Variants in WASHC3 observed in about 807,000 individuals in gnomAD.
The protein encoded by WASHC3 is WASH complex subunit 3, also known as WASH complex subunit CCDC53.
Under a neutral mutation model 26.1 loss-of-function variants are expected in WASHC3, and 24 were observed. The ratio of observed to expected loss-of-function variants is 0.92; its 90% confidence interval spans 0.66 to 1.29. The LOEUF (loss-of-function observed/expected upper bound fraction) is 1.29, where lower values mean the gene tolerates loss of function less well. WASHC3 is among the 50% of genes most tolerant of loss of function. The pLI, the probability that WASHC3 is intolerant of heterozygous loss-of-function variation, is 0.00. For synonymous variants in WASHC3, 77 were observed against 75.7 expected, an observed-to-expected ratio of 1.02 and a Z score of -0.09; for missense variants, 214 against 229.6, an observed-to-expected ratio of 0.93 and a Z score of 0.44.
Position 102,013,081 on chromosome 12 carries a change from C to T in WASHC3, c.*27G>A. On this transcript the variant is annotated 3_prime_UTR_variant, in exon 7 of 7. Transcript: ENST00000240079. ...GAATGTAAATGTACCCCTATGCATG[C>T]ATATGTAATTCTTATCAAAATTAAG... is the stretch of plus-strand genomic sequence containing the variant. 2 of 983,070 alleles carry T rather than the reference C, an allele frequency of 2.0e-6. No individual in the cohort carries two copies. Among genetic ancestry groups the T allele is most frequent in the Non-Finnish European group, 3.1e-6 (2 of 635,578 alleles). 60.9% of individuals were successfully genotyped at this position (983,070 alleles called of 1,614,324 possible). A position where few individuals can be genotyped will look rare whatever the true frequency, so the allele number is the denominator to read the frequency against.
At chr12:102,059,959 C>T (rs775015419) in intron 2 of WASHC3, among the ~76,000 whole-genome samples, 1 of 152,184 alleles carries the variant, frequency 6.6e-6, no homozygotes, top group Non-Finnish European at 1.5e-5. Context: ...AAGCCCCTTA[C>T]TCTACCAATT....
intron 4 of WASHC3, among the ~76,000 whole-genome samples, chr12:102,043,223 C>T (rs1448032551): frequency 6.6e-6 from 1 of 152,090 alleles, no homozygotes; most frequent in Non-Finnish European, 1.5e-5. Flanking sequence ...ATGGCGTGTA[C>T]TTGAGTAACA....
intron 3 of WASHC3, among the ~76,000 whole-genome samples, chr12:102,045,581 A>G (rs1208664871): frequency 2.0e-5 from 3 of 152,186 alleles, no homozygotes; most frequent in Non-Finnish European, 4.4e-5. Flanking sequence ...ACAGTCTTCT[A>G]TTTTTCTTAG....
upstream of WASHC3, chr12:102,062,109 T>C (rs868211977): frequency 4.7e-6 from 3 of 639,532 alleles, no homozygotes; most frequent in Middle Eastern, 1.0e-3. Flanking sequence ...CGCTCACTAA[T>C]CACTCGGCGG....
chr12:102,042,970 G>A (rs1265441078), intron 4 of WASHC3, among the ~76,000 whole-genome samples: 2 of 152,186 alleles, frequency 1.3e-5, no homozygotes, highest in South Asian at 2.1e-4. Context: ...TCATACAGAA[G>A]CATAAGTAAA....
chr12:102,031,915 G>A (rs1039995549), intron 5 of WASHC3, among the ~76,000 whole-genome samples: 1 of 152,118 alleles, frequency 6.6e-6, no homozygotes. Flanking sequence ...TGACTATACT[G>A]TTGATCACTG....
At position 102,061,902 on chromosome 12, in the gene WASHC3, T is replaced by C. The variant is rs1462010793; in HGVS notation, c.51+10A>G. On this transcript the variant is annotated intron_variant, in intron 1 of 6. Coordinates refer to ENST00000240079, the MANE Select transcript of WASHC3 (RefSeq NM_016053.4). ...GGCTCGTCGGGAGTCTAGCACCGTC[T>C]TTTACAAACCTTGGTCAGGTCTATG... The C allele has an allele frequency of 2.5e-6, 4 of 1,594,448 alleles. No individual in the cohort carries two copies. In the African/African-American group the frequency reaches 4.0e-5, roughly 16 times the overall value.
At chr12:102,061,879 CTCGT>C (rs1253294954) in intron 1 of WASHC3, 29 bp downstream of exon 1, 1 of 1,565,474 alleles carries the variant, frequency 6.4e-7, no homozygotes, top group Non-Finnish European at 8.7e-7. Flanking sequence ...CTCCTCCCGG[CTCGT>C]CGGGAGTCTA....
At chr12:102,029,791 A>C (rs1371395219) in intron 5 of WASHC3, among the ~76,000 whole-genome samples, 1 of 152,208 alleles carries the variant, frequency 6.6e-6, no homozygotes, top group East Asian at 1.9e-4. Context: ...TCCCTACCTA[A>C]GGCAACAATA....
intron 6 of WASHC3, among the ~76,000 whole-genome samples, chr12:102,015,531 T>C (rs1403722707): frequency 1.3e-5 from 2 of 151,668 alleles, no homozygotes; most frequent in Non-Finnish European, 3.0e-5. Flanking sequence ...GATTTTGTGA[T>C]GATTAAATTA....
chr12:102,019,378 G>GTT lies in WASHC3; in HGVS notation c.501-6188_501-6187dup, dbSNP rs754869827. ...TAAATGTTCTTACTTCACCCTACAA[G>GTT]TTGTTTTTCATGGAAAGAAATTTTA... On this transcript the variant is annotated intron_variant, in intron 6 of 6. Coordinates refer to ENST00000240079, the MANE Select transcript of WASHC3 (RefSeq NM_016053.4). The GTT allele has an allele frequency of 2.8e-4, 110 of 389,594 alleles. 2 individuals carry two copies. Among genetic ancestry groups the GTT allele is most frequent in the South Asian group, 2.1e-3 (107 of 51,848 alleles). 24.1% of individuals were successfully genotyped at this position (389,594 alleles called of 1,614,324 possible).
chr12:102,044,461 C>T (rs1878071446), intron 3 of WASHC3, among the ~76,000 whole-genome samples: 1 of 152,136 alleles, frequency 6.6e-6, no homozygotes, highest in African/African-American at 2.4e-5. Flanking sequence ...GGACTGAGAG[C>T]CTGGTCTTTG....
At chr12:102,016,287 C>G (rs1876697638) in intron 6 of WASHC3, among the ~76,000 whole-genome samples, 1 of 152,128 alleles carries the variant, frequency 6.6e-6, no homozygotes, top group Admixed American at 6.5e-5. Context: ...TCACTGCAAT[C>G]TCTACCTCCA....
At chr12:102,055,258 A>G (rs542623660) in intron 2 of WASHC3, among the ~76,000 whole-genome samples, 17 of 152,384 alleles carry the variant, frequency 1.1e-4, no homozygotes, top group African/African-American at 4.1e-4. Context: ...TCAGCCACAG[A>G]GCTCAATGCA....
chr12:102,026,099 T>G, intron 5 of WASHC3, 61 bp from the exon 6 acceptor site: 5 of 890,054 alleles, frequency 5.6e-6, no homozygotes, highest in South Asian at 1.6e-5. Context: ...TGTCGACACA[T>G]ACCATCTAAA....
At chr12:102,016,802 T>C (rs191698754) in intron 6 of WASHC3, among the ~76,000 whole-genome samples, 1 of 152,300 alleles carries the variant, frequency 6.6e-6, no homozygotes, top group Non-Finnish European at 1.5e-5. Context: ...AGAAAATATT[T>C]TTGTATAGCT....
rs913784888 is a variant in WASHC3 at position 102,036,938 on chromosome 12, A to G, written c.435+2930T>C. ...AAAAAAGTTAAGGCTTTTTAAAAAT[A>G]AAACAACTATTTATTTTCTTAAATG... On this transcript the variant is annotated intron_variant, in intron 5 of 6. Coordinates refer to ENST00000240079, the MANE Select transcript of WASHC3 (RefSeq NM_016053.4). 3.3e-5 allele frequency among the ~76,000 whole-genome samples: 5 copies of G among 152,212 alleles called. No individual in the cohort carries two copies. In the East Asian group the frequency reaches 9.6e-4, roughly 29 times the overall value.
chr12:102,042,438 CAGTGTAGTGT>C (rs891698798), intron 4 of WASHC3, among the ~76,000 whole-genome samples: 1 of 152,054 alleles, frequency 6.6e-6, no homozygotes, highest in Non-Finnish European at 1.5e-5. Context: ...GTACTGAAAA[CAGTGTAGTGT>C]AGTGTAGTAT....
chr12:102,044,834 T>C (rs926337062), intron 3 of WASHC3, among the ~76,000 whole-genome samples: 2 of 152,316 alleles, frequency 1.3e-5, no homozygotes, highest in Non-Finnish European at 2.9e-5. Flanking sequence ...TAGCTTTCAC[T>C]ATGAAATAGT....
Sources: gnomAD v4.1 joint callset for allele counts (sites outside exome capture counted in the v4.1 genomes callset) on GRCh38, gnomAD v4.1.1 for gene constraint, MANE v1.5 for transcripts, NCBI Gene and HGNC (gene_info 2026-07-23, HGNC 2026-07-21) for gene names.